The following GSG1L variants were observed in gnomAD, a reference collection of about 807,000 sequenced individuals.
GSG1L encodes the protein GSG1 like.
Under a neutral mutation model 42.1 loss-of-function variants are expected in GSG1L, and 24 were observed. The observed-to-expected ratio is 0.57, with a 90% CI of 0.41 to 0.80. The LOEUF is 0.80. GSG1L is among the 30% of genes least tolerant of loss of function. The pLI is 0.00. For synonymous variants in GSG1L, 215 were observed against 203.5 expected (o/e 1.06, Z -0.48); for missense variants, 445 against 472.2 (o/e 0.94, Z 0.53).
Position 27,789,195 on chromosome 16 carries a change from T to C in GSG1L, c.*2175A>G, listed in dbSNP as rs1421568390. 1 of 148,438 alleles carries C rather than the reference T, an allele frequency of 6.7e-6. No homozygotes were observed. The highest frequency in any genetic ancestry group is 1.5e-5 in the Non-Finnish European group (1 of 67,836). The allele number at this position is 148,438 out of a possible 1,614,324, so 9.2% of individuals were successfully genotyped here. The stretch of plus-strand genomic sequence containing the variant: ...GATAGATGAAGGAATGGATGGATGA[T>C]AGATAGGTGTAAGGATAATGGATGG... On this transcript the variant is annotated 3_prime_UTR_variant, in exon 7 of 7. Coordinates refer to ENST00000447459, the MANE Select transcript of GSG1L (RefSeq NM_001109763.2).
At chr16:27,906,367 T>A (rs2084321374) in intron 2 of GSG1L, among the ~76,000 whole-genome samples, 1 of 152,136 alleles carries the variant, frequency 6.6e-6, no homozygotes. Flanking sequence ...AACTTCTCAC[T>A]CAGAAGCCAT....
chr16:27,938,963 C>G (rs2084753232), intron 2 of GSG1L, among the ~76,000 whole-genome samples: 1 of 151,942 alleles, frequency 6.6e-6, no homozygotes, highest in Non-Finnish European at 1.5e-5. Context: ...GGCATTGGGA[C>G]CCTCCGTGAG....
chr16:28,017,730 A>G (rs1285797438), intron 1 of GSG1L, among the ~76,000 whole-genome samples: 1 of 152,264 alleles, frequency 6.6e-6, no homozygotes, highest in Non-Finnish European at 1.5e-5. Flanking sequence ...AACTTACAAA[A>G]CAATGCGTAG....
intron 1 of GSG1L, among the ~76,000 whole-genome samples, chr16:28,032,051 G>A (rs992552086): frequency 2.6e-5 from 4 of 152,208 alleles, no homozygotes; most frequent in Admixed American, 6.5e-5. Context: ...CAAGATCACA[G>A]GGGAACTGTA....
chr16:27,948,908 C>T (rs971044053), intron 2 of GSG1L, among the ~76,000 whole-genome samples: 1 of 141,408 alleles, frequency 7.1e-6, no homozygotes, highest in Non-Finnish European at 1.5e-5. Flanking sequence ...CGCACCTGAT[C>T]TATTATTATT....
intron 6 of GSG1L, among the ~76,000 whole-genome samples, chr16:27,803,105 C>A (rs1415224818): frequency 6.6e-6 from 1 of 152,054 alleles, no homozygotes; most frequent in Non-Finnish European, 1.5e-5. Context: ...GGACCCCATG[C>A]CCCTGACTGC....
intron 3 of GSG1L, among the ~76,000 whole-genome samples, chr16:27,854,347 GA>G (rs947997982): frequency 7.8e-6 from 1 of 128,140 alleles, no homozygotes; most frequent in African/African-American, 2.9e-5. Context: ...GAGGGGGACG[GA>G]AGGAGGAGGA....
chr16:27,997,309 CTT>C (rs34188570), intron 1 of GSG1L, among the ~76,000 whole-genome samples: 6 of 70,670 alleles, frequency 8.5e-5, no homozygotes, highest in African/African-American at 2.3e-4. Flanking sequence ...GTGTTCTCCA[CTT>C]TTTTTTTTTT....
chr16:27,803,815 A>AGATATC (rs1262815967), intron 6 of GSG1L, among the ~76,000 whole-genome samples: 2 of 148,742 alleles, frequency 1.3e-5, no homozygotes, highest in Non-Finnish European at 3.0e-5. Flanking sequence ...ATATAGATAT[A>AGATATC]GATATAGATA....
intron 6 of GSG1L, among the ~76,000 whole-genome samples, chr16:27,803,090 G>C (rs1023446260): frequency 2.6e-5 from 4 of 151,870 alleles, no homozygotes; most frequent in African/African-American, 9.7e-5. Flanking sequence ...CCTTCCATCA[G>C]TCAGGGACCC....
At chr16:27,831,523 T>C (rs899132002) in intron 4 of GSG1L, among the ~76,000 whole-genome samples, 1 of 152,156 alleles carries the variant, frequency 6.6e-6, no homozygotes, top group Non-Finnish European at 1.5e-5. Flanking sequence ...GATGGCCCAG[T>C]CAGGGGACAG....
chr16:27,797,770 C>T (rs1053684030), intron 6 of GSG1L, among the ~76,000 whole-genome samples: 4 of 140,950 alleles, frequency 2.8e-5, no homozygotes, highest in Non-Finnish European at 4.5e-5. Context: ...GGCAGTGAGC[C>T]GAGATTGCAC....
chr16:27,844,734 C>T (rs915493418), intron 4 of GSG1L, among the ~76,000 whole-genome samples: 4 of 152,182 alleles, frequency 2.6e-5, no homozygotes, highest in Non-Finnish European at 4.4e-5. Context: ...TTGAGGGCTG[C>T]ATATAAACAG....
rs373258009 is a variant in GSG1L at position 27,814,004 on chromosome 16, G to A, written c.831-6450C>T. Among the ~76,000 whole-genome samples the A allele has an allele frequency of 2.3e-4, 35 of 152,290 alleles. 2 individuals are homozygous for A. Among genetic ancestry groups the A allele is most frequent in the African/African-American group, 8.4e-4 (35 of 41,558 alleles). ...GCCACTGCCACCCTGGTTGTTGTAA[G>A]GACTCAAGCCCAGGACCTGCCACAG... is the stretch of plus-strand genomic sequence containing the variant. On this transcript the variant is annotated intron_variant, in intron 5 of 6. Coordinates refer to ENST00000447459, the MANE Select transcript of GSG1L (RefSeq NM_001109763.2).
At chr16:27,799,145 T>A (rs2082853176) in intron 6 of GSG1L, among the ~76,000 whole-genome samples, 1 of 151,692 alleles carries the variant, frequency 6.6e-6, no homozygotes, top group African/African-American at 2.4e-5. Flanking sequence ...GTCTCATGCC[T>A]GTAATCCCAG....
chr16:28,021,770 T>G (rs2085846439), intron 1 of GSG1L, among the ~76,000 whole-genome samples: 1 of 152,174 alleles, frequency 6.6e-6, no homozygotes, highest in Admixed American at 6.5e-5. Flanking sequence ...TACATTCATA[T>G]TCATGTCCCC....
In GSG1L at chr16:27,878,336, C is replaced by T. The variant is rs565510043; in HGVS notation, c.550+6150G>A. Among the ~76,000 whole-genome samples the T allele has an allele frequency of 5.3e-4, 81 of 152,272 alleles. 1 individual carries two copies. The highest frequency in any genetic ancestry group is 1.5e-3 in the African/African-American group (61 of 41,552). On this transcript the variant is annotated intron_variant, in intron 3 of 6. Coordinates refer to ENST00000447459, the MANE Select transcript of GSG1L (RefSeq NM_001109763.2). ...CAATCATGGTGGAAGGGGAAGCAAA[C>T]ATGCCCTTCTTCACATGGCGGCAGG...
At chr16:27,823,935 A>G (rs1385264560) in intron 5 of GSG1L, 5 of 702,822 alleles carry the variant, frequency 7.1e-6, no homozygotes, top group African/African-American at 1.7e-5. Context: ...GGAGGTGACA[A>G]TAACACTTAC....
intron 1 of GSG1L, among the ~76,000 whole-genome samples, chr16:28,003,682 C>T (rs918576503): frequency 6.6e-6 from 1 of 152,146 alleles, no homozygotes; most frequent in East Asian, 1.9e-4. Context: ...AGTGTCCGTT[C>T]CCCAGTGTTT....
Sources: allele counts gnomAD v4.1 joint callset (sites outside exome capture counted in the v4.1 genomes callset), GRCh38; gene constraint gnomAD v4.1.1; transcripts MANE v1.5; gene names NCBI Gene and HGNC (gene_info 2026-07-23, HGNC 2026-07-21).